CTNND2: variants seen among roughly 807,000 people sequenced by gnomAD.
The protein encoded by CTNND2 is catenin delta-2.
A neutral mutation model predicts 144.4 loss-of-function variants in CTNND2; 22 were observed. That is an observed-to-expected ratio of 0.15 (90% CI 0.11 to 0.22). CTNND2 has a LOEUF of 0.22. CTNND2 is among the 10% of genes least tolerant of loss of function. The pLI is 1.00. For synonymous variants in CTNND2, 751 were observed against 695.6 expected, an observed-to-expected ratio of 1.08 and a Z score of -1.25; for missense variants, 1,353 against 1,618.8, an observed-to-expected ratio of 0.84 and a Z score of 2.82.
intron 16 of CTNND2, among the ~76,000 whole-genome samples, chr5:11,063,046 G>A (rs555154044): frequency 6.6e-6 from 1 of 152,264 alleles, no homozygotes; most frequent in East Asian, 1.9e-4. Flanking sequence ...AAAGTTGACA[G>A]TTAACAGATC....
intron 16 of CTNND2, among the ~76,000 whole-genome samples, chr5:11,034,776 G>A (rs1283592072): frequency 6.6e-6 from 1 of 151,474 alleles, no homozygotes; most frequent in Admixed American, 6.6e-5. Flanking sequence ...TTTTTTTAAT[G>A]TGATCTTTGT....
chr5:11,248,981 A>T (rs184480520), intron 9 of CTNND2, among the ~76,000 whole-genome samples: 112 of 152,378 alleles, frequency 7.4e-4, no homozygotes, highest in African/African-American at 2.5e-3. Context: ...AGAAAATCTT[A>T]ATAGAATCTA....
At position 11,812,551 on chromosome 5, in the gene CTNND2, T is replaced by C. The variant is rs371023358; in HGVS notation, c.38-80279A>G. Among the ~76,000 whole-genome samples, 9 of 152,218 alleles carry C rather than the reference T, an allele frequency of 5.9e-5. No individual in the cohort carries two copies. The South Asian group carries it at 8.3e-4, about 14-fold the overall frequency. ...TGCATCGAATTGCTTGGCCACCACA[T>C]TGGGGCAGTGATGGGGAGGTACGCT... On this transcript the variant is annotated intron_variant, in intron 1 of 21. Coordinates refer to ENST00000304623, the MANE Select transcript of CTNND2 (RefSeq NM_001332.4).
In CTNND2 at chr5:11,899,025, A is replaced by C. The variant is rs894770304; in HGVS notation, c.37+4792T>G. Among the ~76,000 whole-genome samples the C allele has an allele frequency of 1.3e-5, 2 of 152,170 alleles. 1 individual carries two copies. The highest frequency in any genetic ancestry group is 4.2e-4 in the South Asian group (2 of 4,818). On this transcript the variant is annotated intron_variant, in intron 1 of 21. Transcript: ENST00000304623. ...GCTGGGCACTTTTTTGTCTTCACTG[A>C]AGCTCTTAAGAGTGAAACAAAGCAA...
intron 1 of CTNND2, among the ~76,000 whole-genome samples, chr5:11,869,119 A>T (rs1795907789): frequency 6.6e-6 from 1 of 152,184 alleles, no homozygotes; most frequent in South Asian, 2.1e-4. Context: ...AATGTGGACA[A>T]ACTGGAACCC....
At chr5:11,736,847 T>TAA (rs1787707445) in intron 1 of CTNND2, among the ~76,000 whole-genome samples, 2 of 152,214 alleles carry the variant, frequency 1.3e-5, no homozygotes, top group Non-Finnish European at 2.9e-5. Flanking sequence ...TTATTTCTAA[T>TAA]ATAACTTATT....
intron 3 of CTNND2, among the ~76,000 whole-genome samples, chr5:11,486,503 T>C (rs76824390): frequency 5.9e-5 from 9 of 151,906 alleles, no homozygotes; most frequent in African/African-American, 1.9e-4. Flanking sequence ...AGTCTTTTTT[T>C]CCCCCCAAAT....
intron 3 of CTNND2, among the ~76,000 whole-genome samples, chr5:11,504,691 T>C (rs1770852562): frequency 6.6e-6 from 1 of 152,160 alleles, no homozygotes; most frequent in Non-Finnish European, 1.5e-5. Context: ...TGTGGGGAGC[T>C]GATGCTTGCC....
chr5:11,832,215 G>A (rs368700775), intron 1 of CTNND2, among the ~76,000 whole-genome samples: 24 of 152,152 alleles, frequency 1.6e-4, no homozygotes, highest in Admixed American at 5.9e-4. Flanking sequence ...ACCCGGAGGC[G>A]GAGCTTGCAG....
Position 11,236,660 on chromosome 5 carries a change from C to G in CTNND2, c.1761+31G>C, listed in dbSNP as rs368330600. On this transcript the variant is annotated intron_variant, in intron 10 of 21. Transcript: ENST00000304623. ...GATCTAAGTGCTTATGAATCTGACA[C>G]CAATCATTTCAGAATCCAAGGAGCA... 14 of 1,611,066 alleles carry G rather than the reference C, an allele frequency of 8.7e-6. No homozygotes were observed. The African/African-American group carries it at 1.6e-4, about 18-fold the overall frequency.
chr5:11,685,695 T>C (rs1784615981), intron 2 of CTNND2, among the ~76,000 whole-genome samples: 1 of 152,178 alleles, frequency 6.6e-6, no homozygotes. Context: ...GCTAACCCAA[T>C]CCTACTACTA....
chr5:11,007,233 A>G (rs1215507674), intron 18 of CTNND2, among the ~76,000 whole-genome samples: 1 of 152,214 alleles, frequency 6.6e-6, no homozygotes, highest in Non-Finnish European at 1.5e-5. Flanking sequence ...GAGGAATCAC[A>G]TGGTATTAAG....
chr5:11,588,851 G>C lies in CTNND2; in HGVS notation c.175-23795C>G, dbSNP rs1412456584. 3 of 985,260 alleles carry C rather than the reference G, an allele frequency of 3.0e-6. No individual in the cohort carries two copies. In the African/African-American group the frequency reaches 5.2e-5, roughly 17 times the overall value. 61.0% of individuals were successfully genotyped at this position (985,260 alleles called of 1,614,324 possible). A position where few individuals can be genotyped will look rare whatever the true frequency, so the allele number is the denominator to read the frequency against. On this transcript the variant is annotated intron_variant, in intron 2 of 21. Transcript: ENST00000304623. ...ACTCTTCCCTCCTTCCCCAGGCTGTGGAGCAGGCGGTTCCTGGCATCCTAC... is the reference window on the plus strand; with the variant it reads ...ACTCTTCCCTCCTTCCCCAGGCTGTCGAGCAGGCGGTTCCTGGCATCCTAC...
At chr5:11,123,259 T>C (rs570290137) in intron 12 of CTNND2, among the ~76,000 whole-genome samples, 17 of 152,310 alleles carry the variant, frequency 1.1e-4, no homozygotes, top group African/African-American at 4.1e-4. Flanking sequence ...TGGTTGTTTG[T>C]GCTCCCCACT....
chr5:11,712,560 C>T (rs1200930659), intron 2 of CTNND2, among the ~76,000 whole-genome samples: 1 of 152,052 alleles, frequency 6.6e-6, no homozygotes, highest in Non-Finnish European at 1.5e-5. Context: ...TTTATAAAGA[C>T]AATTTAAATA....
At chr5:11,829,873 G>C (rs1315188607) in intron 1 of CTNND2, among the ~76,000 whole-genome samples, 1 of 152,208 alleles carries the variant, frequency 6.6e-6, no homozygotes, top group African/African-American at 2.4e-5. Context: ...TGGGAAAGCA[G>C]CCAGGAGGGA....
chr5:11,787,502 C>T (rs1047716918), intron 1 of CTNND2, among the ~76,000 whole-genome samples: 1 of 152,170 alleles, frequency 6.6e-6, no homozygotes, highest in Non-Finnish European at 1.5e-5. Flanking sequence ...GACTAATCTG[C>T]CTGCAATTGA....
At chr5:11,823,247 C>A (rs529341416) in intron 1 of CTNND2, among the ~76,000 whole-genome samples, 10 of 152,150 alleles carry the variant, frequency 6.6e-5, no homozygotes, top group Admixed American at 1.3e-4. Context: ...TTCCAAAAGA[C>A]TAATGAAAAG....
chr5:11,384,583 G>A lies in CTNND2; in HGVS notation c.1177+82C>T, dbSNP rs1016585572. On this transcript the variant is annotated intron_variant, in intron 7 of 21. Coordinates refer to ENST00000304623, the MANE Select transcript of CTNND2 (RefSeq NM_001332.4). The surrounding 1 kb of genome is among the most constrained non-coding windows in gnomAD (Gnocchi z 5.2). Reference sequence around the variant, plus strand: ...CCTGGCAGACAGCGCGCCCGGCTTCGCTTCTGCTCAAGCCGGGCTGCTGCT... The same window carrying A: ...CCTGGCAGACAGCGCGCCCGGCTTCACTTCTGCTCAAGCCGGGCTGCTGCT... 13 of 1,348,922 alleles carry A rather than the reference G, an allele frequency of 9.6e-6. No individual in the cohort carries two copies. In the Admixed American group the frequency reaches 2.4e-4, roughly 25 times the overall value. 83.6% of individuals were successfully genotyped at this position (1,348,922 alleles called of 1,614,324 possible).
Sources: gnomAD v4.1 joint callset for allele counts (sites outside exome capture counted in the v4.1 genomes callset) on GRCh38, gnomAD v4.1.1 for gene constraint, Gnocchi (gnomAD v3.1) non-coding constraint, MANE v1.5 for transcripts, NCBI Gene and HGNC (gene_info 2026-07-23, HGNC 2026-07-21) for gene names.